TK2: variants seen among roughly 807,000 people sequenced by gnomAD.
TK2 encodes the protein thymidine kinase 2, mitochondrial.
Under a neutral mutation model 41.9 loss-of-function variants are expected in TK2, and 35 were observed. The ratio of observed to expected loss-of-function variants is 0.84; its 90% CI spans 0.64 to 1.11. TK2 has a LOEUF of 1.11. TK2 is among the 50% of genes least tolerant of loss of function. The probability of loss-of-function intolerance (pLI) is 0.00; values close to 1 mark genes in which losing one functional copy is unlikely to be tolerated. For synonymous variants in TK2, 128 were observed against 129.1 expected, an observed-to-expected ratio of 0.99 and a Z score of 0.06; for missense variants, 320 against 351.1, an observed-to-expected ratio of 0.91 and a Z score of 0.71.
At chr16:66,537,097 G>C (rs2144436584) in intron 3 of TK2, 80 bp from the exon 4 acceptor site, 1 of 1,578,592 alleles carries the variant, frequency 6.3e-7, no homozygotes, top group African/African-American at 1.3e-5. Flanking sequence ...AGGGGAAAGT[G>C]AGGAGAGAAG....
chr16:66,508,189 G>C lies in TK2; in HGVS notation c.*3779C>G, dbSNP rs1470784057. The C allele has an allele frequency of 6.6e-6, 1 of 152,208 alleles. No individual in the cohort carries two copies. Among genetic ancestry groups the C allele is most frequent in the East Asian group, 1.9e-4 (1 of 5,194 alleles). 9.4% of individuals were successfully genotyped at this position (152,208 alleles called of 1,614,324 possible). A position where few individuals can be genotyped will look rare whatever the true frequency, so the allele number is the denominator to read the frequency against. On this transcript the variant is annotated 3_prime_UTR_variant, in exon 10 of 10. Coordinates refer to ENST00000544898, the MANE Select transcript of TK2 (RefSeq NM_004614.5). ...AAATTCAAGACAGCTTCTGTGGACA[G>C]CAGTGAATGGCAATACCCATTCTGG...
chr16:66,543,894 C>A (rs892986277), intron 2 of TK2, among the ~76,000 whole-genome samples: 1 of 152,126 alleles, frequency 6.6e-6, no homozygotes, highest in African/African-American at 2.4e-5. Context: ...CCTTTAGAGC[C>A]CCAAACTACA....
chr16:66,513,426 C>T (rs889114147), intron 9 of TK2, among the ~76,000 whole-genome samples: 2 of 152,196 alleles, frequency 1.3e-5, no homozygotes, highest in East Asian at 1.9e-4. Context: ...AGAGGAACTA[C>T]TATCCCAAAT....
intron 2 of TK2, 143 bp from the exon 3 acceptor site, chr16:66,542,096 G>A (rs1213380875): frequency 1.7e-5 from 14 of 838,634 alleles, no homozygotes; most frequent in African/African-American, 5.0e-5. Context: ...ATCCCTCCTC[G>A]GGAAACTGGC....
At position 66,517,724 on chromosome 16, in the gene TK2, C is replaced by T. The variant is rs1964656721; in HGVS notation, c.538+65G>A. On this transcript the variant is annotated intron_variant, in intron 7 of 9. Transcript: ENST00000544898. This position sits in a 1 kb window ranked among gnomAD's most constrained non-coding sequence, Gnocchi z 4.3. ...ACTGCCCCCAAGGGTTGGGGCCCAGCCAAGCACATCCTCAAGGGACCCAGG... is the reference window on the plus strand; with the variant it reads ...ACTGCCCCCAAGGGTTGGGGCCCAGTCAAGCACATCCTCAAGGGACCCAGG... 1.3e-6 allele frequency: 2 copies of T among 1,526,206 alleles called. No individual in the cohort carries two copies. The highest frequency in any genetic ancestry group is 1.4e-5 in the African/African-American group (1 of 73,074). The allele number at this position is 1,526,206 out of a possible 1,614,324, so 94.5% of individuals were successfully genotyped here. A position where few individuals can be genotyped will look rare whatever the true frequency, so the allele number is the denominator to read the frequency against.
intron 6 of TK2, among the ~76,000 whole-genome samples, chr16:66,527,328 T>TG (rs1199044900): frequency 6.6e-6 from 1 of 152,132 alleles, no homozygotes; most frequent in Non-Finnish European, 1.5e-5. Flanking sequence ...GCTCTCATTT[T>TG]GGGGGGTGAC....
chr16:66,546,228 T>C (rs924912766), intron 2 of TK2, among the ~76,000 whole-genome samples: 1 of 152,058 alleles, frequency 6.6e-6, no homozygotes, highest in Non-Finnish European at 1.5e-5. Flanking sequence ...AGACCTTGTC[T>C]CAAAAAATAA....
intron 2 of TK2, among the ~76,000 whole-genome samples, chr16:66,545,183 G>A (rs1965570385): frequency 1.3e-5 from 2 of 151,606 alleles, no homozygotes; most frequent in African/African-American, 2.4e-5. Flanking sequence ...ATGCATATAT[G>A]TATTTATCAG....
chr16:66,539,602 GAAAAAAAAA>G (rs775031607), intron 3 of TK2, among the ~76,000 whole-genome samples: 3 of 49,278 alleles, frequency 6.1e-5, no homozygotes, highest in Non-Finnish European at 9.2e-5. Context: ...CTCCATCTCA[GAAAAAAAAA>G]AAAAAAAAAA....
chr16:66,529,053 C>G lies in TK2; in HGVS notation c.390G>C (p.Arg130=). The part of the protein sequence containing the change: ...RHTRPQVSSV[R]LMERSIHSAR... ...CGCTGTGAATCGACCTCTCCATCAA[C>G]CGTACAGATGACACCTAAAGGAAAA... The change falls in exon 6 of 10, where the codon CGG becomes CGC. Residue 130 remains arginine, a synonymous_variant. Transcript: ENST00000544898. 6.2e-7 allele frequency: 1 copy of G among 1,614,060 alleles called. No individual in the cohort carries two copies. The highest frequency in any genetic ancestry group is 8.5e-7 in the Non-Finnish European group (1 of 1,180,030).
At chr16:66,534,662 A>C (rs1008875861) in intron 4 of TK2, among the ~76,000 whole-genome samples, 8 of 152,234 alleles carry the variant, frequency 5.3e-5, no homozygotes, top group African/African-American at 1.9e-4. Context: ...AGATATCTGC[A>C]GTGCTCACAC....
intron 2 of TK2, among the ~76,000 whole-genome samples, chr16:66,544,458 G>C (rs1005867599): frequency 7.2e-5 from 11 of 152,128 alleles, no homozygotes; most frequent in Non-Finnish European, 1.6e-4. Flanking sequence ...CCTCATCTTT[G>C]AGCACGTTTC....
At chr16:66,533,246 T>G (rs540582148) in intron 4 of TK2, among the ~76,000 whole-genome samples, 1 of 149,762 alleles carries the variant, frequency 6.7e-6, no homozygotes, top group South Asian at 2.1e-4. Flanking sequence ...AATTTTTTTG[T>G]ATTTTTAGTA....
intron 4 of TK2, among the ~76,000 whole-genome samples, chr16:66,534,372 T>A (rs1440762800): frequency 6.6e-6 from 1 of 152,252 alleles, no homozygotes; most frequent in South Asian, 2.1e-4. Flanking sequence ...CCCTCTGTAG[T>A]CTGTTCTCTA....
rs367902141 is a variant in TK2, at chr16:66,538,924, C to A, written c.232-1907G>T. Among the ~76,000 whole-genome samples, 196 of 152,246 alleles carry A rather than the reference C, an allele frequency of 1.3e-3. 2 individuals are homozygous for A. Among genetic ancestry groups the A allele is most frequent in the African/African-American group, 4.4e-3 (184 of 41,538 alleles). On this transcript the variant is annotated intron_variant, in intron 3 of 9. Transcript: ENST00000544898. ...CTGGCTGTATCATACACTGGCCTAG[C>A]GACCCTGGACAAGCCACTTAACCTC...
intron 2 of TK2, among the ~76,000 whole-genome samples, chr16:66,548,248 G>A (rs1249836640): frequency 6.6e-6 from 1 of 152,076 alleles, no homozygotes; most frequent in Non-Finnish European, 1.5e-5. Flanking sequence ...CCACCACCCT[G>A]AGTACGCTGG....
rs1240493346 is a variant in TK2 at position 66,510,715 on chromosome 16, C to G, written c.*1253G>C. The stretch of plus-strand genomic sequence containing the variant: ...GCATCTAGTCTTCTTGAAGCTCTCT[C>G]TGCCCACCTCCAAAGCTTCAGGACC... On this transcript the variant is annotated 3_prime_UTR_variant, in exon 10 of 10. Transcript: ENST00000544898. 6.6e-6 allele frequency: 1 copy of G among 152,252 alleles called. No homozygotes were observed. Among genetic ancestry groups the G allele is most frequent in the African/African-American group, 2.4e-5 (1 of 41,458 alleles). The allele number at this position is 152,252 out of a possible 1,614,324, so 9.4% of individuals were successfully genotyped here.
chr16:66,543,916 A>G (rs1382765756), intron 2 of TK2, among the ~76,000 whole-genome samples: 1 of 152,154 alleles, frequency 6.6e-6, no homozygotes, highest in Admixed American at 6.5e-5. Flanking sequence ...AATGAACCCA[A>G]GGGAATGAAC....
At chr16:66,529,873 T>C (rs1965054973) in intron 5 of TK2, among the ~76,000 whole-genome samples, 1 of 152,168 alleles carries the variant, frequency 6.6e-6, no homozygotes, top group South Asian at 2.1e-4. Context: ...CATCCTCTCT[T>C]TCCTTACTTC....
Sources: gnomAD v4.1 joint callset for allele counts (sites outside exome capture counted in the v4.1 genomes callset) on GRCh38, gnomAD v4.1.1 for gene constraint, Gnocchi (gnomAD v3.1) non-coding constraint, MANE v1.5 for transcripts, NCBI Gene and HGNC (gene_info 2026-07-23, HGNC 2026-07-21) for gene names.